The following FBXL7 variants were observed in gnomAD, a reference collection of about 807,000 sequenced individuals.
FBXL7 encodes the protein F-box/LRR-repeat protein 7.
In FBXL7, 12 loss-of-function variants were observed where a neutral mutation model predicts 38.3. That is an observed-to-expected ratio of 0.31 (90% confidence interval 0.20 to 0.51). FBXL7 has a LOEUF of 0.51. FBXL7 is among the 20% of genes least tolerant of loss of function. FBXL7 has a pLI of 0.98. For missense variants in FBXL7, 567 were observed against 676.4 expected, an observed-to-expected ratio of 0.84 and a Z score of 1.79; for synonymous variants, 297 against 300.9, an observed-to-expected ratio of 0.99 and a Z score of 0.13.
chr5:15,595,805 G>C (rs1739610163), intron 1 of FBXL7, among the ~76,000 whole-genome samples: 1 of 152,162 alleles, frequency 6.6e-6, no homozygotes, highest in Non-Finnish European at 1.5e-5. Flanking sequence ...AAAATCTAAG[G>C]AGATGATGTG....
At chr5:15,740,460 T>C (rs549792389) in intron 2 of FBXL7, among the ~76,000 whole-genome samples, 4 of 152,314 alleles carry the variant, frequency 2.6e-5, no homozygotes, top group Non-Finnish European at 4.4e-5. Context: ...ATTTATAATA[T>C]ATCCACTGCT....
chr5:15,633,479 T>A (rs904965924), intron 2 of FBXL7, among the ~76,000 whole-genome samples: 1 of 152,064 alleles, frequency 6.6e-6, no homozygotes, highest in African/African-American at 2.4e-5. Flanking sequence ...TCTAAAAAAA[T>A]TTTTTTAATC....
chr5:15,739,578 A>G (rs1019553102), intron 2 of FBXL7, among the ~76,000 whole-genome samples: 1 of 152,108 alleles, frequency 6.6e-6, no homozygotes, highest in Non-Finnish European at 1.5e-5. Context: ...TAGGCAACCT[A>G]TAATCTCTTT....
intron 1 of FBXL7, among the ~76,000 whole-genome samples, chr5:15,579,869 TGTC>T (rs1487040642): frequency 6.6e-6 from 1 of 152,190 alleles, no homozygotes; most frequent in Non-Finnish European, 1.5e-5. Context: ...ACAGAATTAC[TGTC>T]TCAGGGCAGC....
intron 2 of FBXL7, among the ~76,000 whole-genome samples, chr5:15,755,197 C>T (rs1736264712): frequency 1.3e-5 from 2 of 152,158 alleles, no homozygotes; most frequent in East Asian, 1.9e-4. Flanking sequence ...GAAAAAGGCT[C>T]AGCTCAGGAG....
intron 2 of FBXL7, among the ~76,000 whole-genome samples, chr5:15,879,324 T>C (rs1487023746): frequency 6.6e-6 from 1 of 152,118 alleles, no homozygotes; most frequent in African/African-American, 2.4e-5. Flanking sequence ...TTCTAAAGCA[T>C]CCCTACCAGA....
chr5:15,727,075 G>A (rs1735426430), intron 2 of FBXL7, among the ~76,000 whole-genome samples: 1 of 152,040 alleles, frequency 6.6e-6, no homozygotes, highest in African/African-American at 2.4e-5. Context: ...ATTTATACCA[G>A]CTTGGCTTCA....
chr5:15,679,139 T>G (rs1377642692), intron 2 of FBXL7, among the ~76,000 whole-genome samples: 1 of 152,210 alleles, frequency 6.6e-6, no homozygotes, highest in African/African-American at 2.4e-5. Context: ...GACTCTAGTT[T>G]TTTGATCAAC....
At chr5:15,901,581 C>G (rs1741235576) in intron 2 of FBXL7, among the ~76,000 whole-genome samples, 2 of 152,130 alleles carry the variant, frequency 1.3e-5, no homozygotes, top group South Asian at 2.1e-4. Flanking sequence ...ATTTACTTCC[C>G]TACAAGATTC....
intron 2 of FBXL7, among the ~76,000 whole-genome samples, chr5:15,763,759 T>G (rs566998553): frequency 7.4e-4 from 113 of 152,284 alleles, no homozygotes; most frequent in Non-Finnish European, 1.2e-3. Flanking sequence ...ATAAACTGTT[T>G]TGGGCAGAGT....
At chr5:15,721,082 A>T (rs1744182870) in intron 2 of FBXL7, among the ~76,000 whole-genome samples, 1 of 152,162 alleles carries the variant, frequency 6.6e-6, no homozygotes, top group East Asian at 1.9e-4. Context: ...TGCTCTTAGG[A>T]TATGTACAAA....
At chr5:15,552,193 C>T (rs537962509) in intron 1 of FBXL7, among the ~76,000 whole-genome samples, 4 of 152,284 alleles carry the variant, frequency 2.6e-5, no homozygotes, top group Non-Finnish European at 5.9e-5. Context: ...AGTTTAATTT[C>T]ATCATTTATC....
intron 1 of FBXL7, among the ~76,000 whole-genome samples, chr5:15,597,701 A>T (rs1025329): frequency 0.087 from 13,267 of 152,078 alleles, 672 homozygotes; most frequent in South Asian, 0.12. Flanking sequence ...AAGTAGTTCG[A>T]ATGTTCCCTT....
intron 2 of FBXL7, among the ~76,000 whole-genome samples, chr5:15,917,955 C>T (rs1741641053): frequency 6.6e-6 from 1 of 152,060 alleles, no homozygotes; most frequent in African/African-American, 2.4e-5. Flanking sequence ...GTAAATATTA[C>T]AGGCCACATG....
chr5:15,551,038 CT>C (rs1483746049), intron 1 of FBXL7, among the ~76,000 whole-genome samples: 1 of 152,182 alleles, frequency 6.6e-6, no homozygotes, highest in African/African-American at 2.4e-5. Flanking sequence ...TGAAAATCCA[CT>C]TTTTTTGGAT....
chr5:15,668,230 C>T (rs1007726476), intron 2 of FBXL7, among the ~76,000 whole-genome samples: 3 of 152,202 alleles, frequency 2.0e-5, no homozygotes, highest in African/African-American at 7.2e-5. Flanking sequence ...CTACATTGAA[C>T]TGTTCCCTAT....
intron 2 of FBXL7, among the ~76,000 whole-genome samples, chr5:15,802,464 A>G (rs1737595573): frequency 6.6e-6 from 1 of 151,416 alleles, no homozygotes; most frequent in African/African-American, 2.4e-5. Context: ...CCAGCCATGT[A>G]TCTCTCTCCT....
chr5:15,503,838 C>G (rs1435637643), intron 1 of FBXL7, among the ~76,000 whole-genome samples: 3 of 152,212 alleles, frequency 2.0e-5, no homozygotes, highest in Admixed American at 2.0e-4. Flanking sequence ...CAGTTGACAT[C>G]GCTGTGCAAA....
At chr5:15,903,315 A>G (rs972960525) in intron 2 of FBXL7, among the ~76,000 whole-genome samples, 1 of 152,198 alleles carries the variant, frequency 6.6e-6, no homozygotes, top group African/African-American at 2.4e-5. Context: ...AGTAAGCACC[A>G]TGAAATCTGA....
Sources: gnomAD v4.1 joint callset for allele counts (sites outside exome capture counted in the v4.1 genomes callset) on GRCh38, gnomAD v4.1.1 for gene constraint, MANE v1.5 for transcripts, NCBI Gene and HGNC (gene_info 2026-07-23, HGNC 2026-07-21) for gene names.